ARMC9: variants seen among roughly 807,000 people sequenced by gnomAD.
ARMC9 encodes the protein lisH domain-containing protein ARMC9.
Under a neutral mutation model 107.0 loss-of-function variants are expected in ARMC9, and 94 were observed. That is an observed-to-expected ratio of 0.88 (90% CI 0.74 to 1.04). The LOEUF is 1.04. ARMC9 is among the 50% of genes least tolerant of loss of function. ARMC9 has a pLI of 0.00. For synonymous variants in ARMC9, 380 were observed against 396.9 expected, an observed-to-expected ratio of 0.96 and a Z score of 0.51; for missense variants, 942 against 1,030.1, an observed-to-expected ratio of 0.91 and a Z score of 1.17.
intron 17 of ARMC9, among the ~76,000 whole-genome samples, chr2:231,288,289 A>G (rs1251968982): frequency 3.3e-5 from 5 of 152,176 alleles, no homozygotes; most frequent in Admixed American, 3.3e-4. Context: ...ACGTAAAACA[A>G]TGTACATAAA....
At chr2:231,218,775 G>A (rs1253748689) in intron 5 of ARMC9, among the ~76,000 whole-genome samples, 1 of 150,850 alleles carries the variant, frequency 6.6e-6, no homozygotes, top group African/African-American at 2.4e-5. Context: ...TTTTGAGATG[G>A]AGTTTCACTC....
chr2:231,282,469 T>C (rs1383006402), intron 17 of ARMC9, among the ~76,000 whole-genome samples: 3 of 152,244 alleles, frequency 2.0e-5, no homozygotes, highest in African/African-American at 7.2e-5. Context: ...TGGTAAATAG[T>C]AAACTCAGTG....
At chr2:231,232,691 TC>T (rs1002375805) in intron 7 of ARMC9, among the ~76,000 whole-genome samples, 2 of 151,808 alleles carry the variant, frequency 1.3e-5, no homozygotes, top group Non-Finnish European at 2.9e-5. Context: ...CCTCAGGTGA[TC>T]CACCTGCCTT....
chr2:231,306,202 CCTT>C (rs1259281957), intron 19 of ARMC9, among the ~76,000 whole-genome samples: 1 of 152,194 alleles, frequency 6.6e-6, no homozygotes, highest in African/African-American at 2.4e-5. Flanking sequence ...TTACTTCCCT[CCTT>C]CTTGCCACTA....
intron 18 of ARMC9, among the ~76,000 whole-genome samples, chr2:231,292,549 G>A (rs2041088565): frequency 6.6e-6 from 1 of 152,216 alleles, no homozygotes; most frequent in Non-Finnish European, 1.5e-5. Context: ...ACATCCCATA[G>A]TAAGCAGGAG....
chr2:231,338,780 A>G (rs996191642), intron 20 of ARMC9, among the ~76,000 whole-genome samples: 10 of 152,046 alleles, frequency 6.6e-5, no homozygotes, highest in African/African-American at 2.4e-4. Flanking sequence ...TTCTTCATAT[A>G]TCTTCTGTTT....
intron 19 of ARMC9, among the ~76,000 whole-genome samples, chr2:231,314,884 G>A (rs2042574485): frequency 6.6e-6 from 1 of 152,162 alleles, no homozygotes; most frequent in Non-Finnish European, 1.5e-5. Flanking sequence ...ATATCCAGTT[G>A]CCCCAGTATC....
At chr2:231,269,368 T>C (rs1484016910) in intron 12 of ARMC9, among the ~76,000 whole-genome samples, 1 of 151,532 alleles carries the variant, frequency 6.6e-6, no homozygotes, top group African/African-American at 2.4e-5. Flanking sequence ...TACTTTTTGT[T>C]CCACTCTTTA....
intron 21 of ARMC9, among the ~76,000 whole-genome samples, chr2:231,351,189 G>A (rs2045062155): frequency 1.3e-5 from 2 of 149,040 alleles, no homozygotes; most frequent in African/African-American, 5.0e-5. Flanking sequence ...TCCTGACCTC[G>A]TGATCCGCCT....
intron 12 of ARMC9, among the ~76,000 whole-genome samples, chr2:231,266,686 A>G (rs933954269): frequency 5.3e-5 from 8 of 152,200 alleles, no homozygotes; most frequent in Non-Finnish European, 1.2e-4. Context: ...AATACCTCAT[A>G]TAAGTAGAAT....
intron 2 of ARMC9, among the ~76,000 whole-genome samples, chr2:231,207,079 A>G (rs1265062273): frequency 1.3e-5 from 2 of 152,224 alleles, no homozygotes; most frequent in Admixed American, 1.3e-4. Flanking sequence ...ATCATGGTTC[A>G]CTGTAGCCTT....
intron 19 of ARMC9, among the ~76,000 whole-genome samples, chr2:231,314,548 A>G (rs2042554014): frequency 6.6e-6 from 1 of 152,150 alleles, no homozygotes; most frequent in African/African-American, 2.4e-5. Context: ...GGGCCAGATA[A>G]TTCTTTGTTG....
At chr2:231,244,945 C>T (rs2036618937) in intron 9 of ARMC9, among the ~76,000 whole-genome samples, 1 of 152,236 alleles carries the variant, frequency 6.6e-6, no homozygotes. Context: ...GGAAGTCTCC[C>T]ACTGACAGAG....
intron 5 of ARMC9, among the ~76,000 whole-genome samples, chr2:231,218,987 G>T (rs1389651856): frequency 6.6e-6 from 1 of 151,970 alleles, no homozygotes; most frequent in Non-Finnish European, 1.5e-5. Flanking sequence ...CCTGACCTCA[G>T]GTGATCCGCC....
At chr2:231,331,240 T>C (rs1669080) in intron 19 of ARMC9, among the ~76,000 whole-genome samples, 64,886 of 152,056 alleles carry the variant, frequency 0.43, 15,258 homozygotes, top group African/African-American at 0.64. Flanking sequence ...TCAGAGTCAC[T>C]TTATGTTTCT....
intron 20 of ARMC9, among the ~76,000 whole-genome samples, chr2:231,340,615 A>T (rs1166770667): frequency 6.6e-6 from 1 of 152,174 alleles, no homozygotes; most frequent in African/African-American, 2.4e-5. Context: ...GGCCAGGCTG[A>T]GTGGCTCACT....
At chr2:231,359,154 T>C (rs2045467029) in intron 22 of ARMC9, among the ~76,000 whole-genome samples, 5 of 150,862 alleles carry the variant, frequency 3.3e-5, no homozygotes, top group Admixed American at 3.3e-4. Flanking sequence ...GGTGCGATCT[T>C]GGCTCACTGC....
intron 20 of ARMC9, among the ~76,000 whole-genome samples, chr2:231,344,413 C>CT (rs1483212937): frequency 2.0e-5 from 3 of 152,142 alleles, no homozygotes; most frequent in Admixed American, 2.0e-4. Context: ...CTTCTACTTA[C>CT]TAGTAATACT....
chr2:231,273,191 G>A (rs2039488894), intron 14 of ARMC9, 113 bp downstream of exon 14: 1 of 1,408,986 alleles, frequency 7.1e-7, no homozygotes, highest in Non-Finnish European at 9.6e-7. Flanking sequence ...GGAGAGGTTG[G>A]ATGACTTTCT....
Sources: gnomAD v4.1 joint callset for allele counts (sites outside exome capture counted in the v4.1 genomes callset) on GRCh38, gnomAD v4.1.1 for gene constraint, MANE v1.5 for transcripts, NCBI Gene and HGNC (gene_info 2026-07-23, HGNC 2026-07-21) for gene names.